Variants in MAN1A1 observed in about 807,000 individuals in gnomAD.
MAN1A1 encodes the protein mannosyl-oligosaccharide 1,2-alpha-mannosidase IA.
A neutral mutation model predicts 70.8 loss-of-function variants in MAN1A1; 29 were observed. That is an observed-to-expected ratio of 0.41 (90% confidence interval 0.31 to 0.56). MAN1A1 has a LOEUF of 0.56. Among genes scored for constraint, MAN1A1 ranks in the 20% least tolerant of loss-of-function variants. The pLI is 0.29. For missense variants in MAN1A1, 747 were observed against 841.3 expected (o/e 0.89, Z 1.39); for synonymous variants, 349 against 330.1 (o/e 1.06, Z -0.62).
chr6:119,190,566 G>A (rs6927044), intron 9 of MAN1A1, among the ~76,000 whole-genome samples: 108,421 of 152,146 alleles, frequency 0.71, 40,945 homozygotes, highest in Non-Finnish European at 0.83. Context: ...CACTTGATAA[G>A]AGTCATTTAT....
chr6:119,269,286 G>T, intron 5 of MAN1A1: 1 of 290,028 alleles, frequency 3.4e-6, no homozygotes. Context: ...GTCACTGCCT[G>T]GTACTTCCAG....
intron 6 of MAN1A1, among the ~76,000 whole-genome samples, chr6:119,231,838 T>C (rs1774685715): frequency 6.6e-6 from 1 of 152,190 alleles, no homozygotes; most frequent in South Asian, 2.1e-4. Flanking sequence ...CAAAACATGT[T>C]TAAAAGAATT....
intron 4 of MAN1A1, among the ~76,000 whole-genome samples, chr6:119,293,692 T>C (rs1772116489): frequency 6.6e-6 from 1 of 152,024 alleles, no homozygotes; most frequent in East Asian, 1.9e-4. Context: ...GTATTCTAGG[T>C]TGTATTATGT....
chr6:119,345,883 C>T (rs758737258), intron 2 of MAN1A1, among the ~76,000 whole-genome samples: 14 of 152,120 alleles, frequency 9.2e-5, no homozygotes, highest in Non-Finnish European at 1.6e-4. Flanking sequence ...CCAGGCAGGT[C>T]GATCACTTGA....
At chr6:119,189,942 A>T in intron 9 of MAN1A1, 59 bp from the exon 10 acceptor site, 1 of 1,308,508 alleles carries the variant, frequency 7.6e-7, no homozygotes, top group Non-Finnish European at 1.1e-6. Flanking sequence ...TATACTAAAA[A>T]TATGCCCAAC....
chr6:119,248,938 G>T (rs759693936), intron 5 of MAN1A1, among the ~76,000 whole-genome samples: 5 of 152,198 alleles, frequency 3.3e-5, no homozygotes, highest in Non-Finnish European at 5.9e-5. Flanking sequence ...TACAGAGTCT[G>T]CCCAGAGTTT....
At chr6:119,305,701 G>A (rs1164093381) in intron 3 of MAN1A1, among the ~76,000 whole-genome samples, 1 of 152,148 alleles carries the variant, frequency 6.6e-6, no homozygotes, top group Non-Finnish European at 1.5e-5. Flanking sequence ...TTTCATGGAA[G>A]TATATATTGA....
chr6:119,290,695 C>G lies in MAN1A1; in HGVS notation c.885G>C (p.Leu295=). The G allele has an allele frequency of 6.2e-7, 1 of 1,609,520 alleles. No homozygotes were observed. Among genetic ancestry groups the G allele is most frequent in the South Asian group, 1.1e-5 (1 of 90,616 alleles). The part of the protein sequence containing the change: ...FVGGLLSAYY[L]SGEEIFRKKA... The stretch of plus-strand genomic sequence containing the variant: ...CTTTTCATCTTACCTCTTCTCCAGA[C>G]AGATAGTAGGCTGAGAGTAGTCCAC... The change falls in exon 5 of 13, where the codon CTG becomes CTC. Residue 295 remains leucine, a synonymous_variant. Coordinates refer to ENST00000368468, the MANE Select transcript of MAN1A1 (RefSeq NM_005907.4).
intron 2 of MAN1A1, among the ~76,000 whole-genome samples, chr6:119,310,439 A>C (rs1772670104): frequency 6.6e-6 from 1 of 152,158 alleles, no homozygotes; most frequent in Admixed American, 6.5e-5. Flanking sequence ...TCTTACATAA[A>C]ATTTCCGTAG....
intron 7 of MAN1A1, among the ~76,000 whole-genome samples, chr6:119,204,373 C>T (rs571659254): frequency 5.9e-5 from 9 of 152,290 alleles, no homozygotes; most frequent in African/African-American, 1.2e-4. Flanking sequence ...GGTTTGCTTT[C>T]GGAAAACGAG....
intron 5 of MAN1A1, among the ~76,000 whole-genome samples, chr6:119,260,976 GTTTTTTT>G (rs61169300): frequency 3.4e-5 from 4 of 116,954 alleles, no homozygotes; most frequent in South Asian, 2.6e-4. Flanking sequence ...TTTTTTTATT[GTTTTTTT>G]TTTTTTTTTT....
In MAN1A1 at chr6:119,258,897, C is replaced by T. The variant is rs76230362; in HGVS notation, c.898-10543G>A. On this transcript the variant is annotated intron_variant, in intron 5 of 12. Transcript: ENST00000368468. ...CTTGAACAGTCTGTACGATCTTGAA[C>T]GCTCACTTAACCTCCTTTCTGTGCC... is the stretch of plus-strand genomic sequence containing the variant. 5.1e-4 allele frequency among the ~76,000 whole-genome samples: 77 copies of T among 152,188 alleles called. No individual in the cohort carries two copies. The East Asian group carries it at 6.0e-3, about 12-fold the overall frequency.
At chr6:119,236,384 A>G (rs75527419) in intron 6 of MAN1A1, among the ~76,000 whole-genome samples, 4,258 of 152,222 alleles carry the variant, frequency 0.028, 94 homozygotes, top group Non-Finnish European at 0.045. Flanking sequence ...GCCTGCTAAC[A>G]TAATGTCTGT....
chr6:119,340,806 A>G (rs1048399638), intron 2 of MAN1A1, among the ~76,000 whole-genome samples: 1 of 152,236 alleles, frequency 6.6e-6, no homozygotes, highest in Non-Finnish European at 1.5e-5. Context: ...TAAAAACATG[A>G]ACAATGCAAA....
chr6:119,344,932 G>A (rs1249042089), intron 2 of MAN1A1, among the ~76,000 whole-genome samples: 1 of 152,160 alleles, frequency 6.6e-6, no homozygotes, highest in Non-Finnish European at 1.5e-5. Flanking sequence ...CCCCACAGGT[G>A]CAGGGTCCTA....
At chr6:119,310,257 T>C (rs1179018382) in intron 2 of MAN1A1, among the ~76,000 whole-genome samples, 1 of 152,206 alleles carries the variant, frequency 6.6e-6, no homozygotes, top group Admixed American at 6.5e-5. Context: ...AATACTTCCA[T>C]TTGCTGAAGT....
intron 5 of MAN1A1, among the ~76,000 whole-genome samples, chr6:119,251,616 C>T (rs1775319326): frequency 6.6e-6 from 1 of 152,194 alleles, no homozygotes; most frequent in African/African-American, 2.4e-5. Flanking sequence ...AATCAAGATA[C>T]AGAAGGCAAG....
At chr6:119,280,545 C>A (rs1400905133) in intron 5 of MAN1A1, among the ~76,000 whole-genome samples, 1 of 152,142 alleles carries the variant, frequency 6.6e-6, no homozygotes, top group Non-Finnish European at 1.5e-5. Context: ...ATGAAATTAC[C>A]AGATGGTATA....
intron 6 of MAN1A1, among the ~76,000 whole-genome samples, chr6:119,241,335 C>T (rs1488336043): frequency 6.6e-6 from 1 of 152,198 alleles, no homozygotes; most frequent in South Asian, 2.1e-4. Flanking sequence ...GCTTCCCCAA[C>T]AGTGGACCTG....
Sources: gnomAD v4.1 joint callset for allele counts (sites outside exome capture counted in the v4.1 genomes callset) on GRCh38, gnomAD v4.1.1 for gene constraint, MANE v1.5 for transcripts, NCBI Gene and HGNC (gene_info 2026-07-23, HGNC 2026-07-21) for gene names.